TBXAS1: variants seen among roughly 807,000 people sequenced by gnomAD.
TBXAS1 encodes the protein thromboxane A synthase 1.
Under a neutral mutation model 60.7 loss-of-function variants are expected in TBXAS1, and 48 were observed. The ratio of observed to expected loss-of-function variants is 0.79; its 90% confidence interval spans 0.63 to 1.01. TBXAS1 has a LOEUF of 1.01. TBXAS1 is among the 50% of genes least tolerant of loss of function. The probability of loss-of-function intolerance (pLI) is 0.00; values close to 1 mark genes in which losing one functional copy is unlikely to be tolerated. For missense variants in TBXAS1, 685 were observed against 686.3 expected (o/e 1.00, Z 0.02); for synonymous variants, 287 against 269.7 (o/e 1.06, Z -0.63).
chr7:139,930,424 G>A (rs891902500), intron 4 of TBXAS1, among the ~76,000 whole-genome samples: 2 of 152,086 alleles, frequency 1.3e-5, no homozygotes, highest in South Asian at 2.1e-4. Flanking sequence ...CTAAGAGGTC[G>A]GTAGCGTTAT....
At chr7:140,016,259 C>T (rs997416216) in intron 11 of TBXAS1, 22 of 327,788 alleles carry the variant, frequency 6.7e-5, no homozygotes, top group African/African-American at 1.7e-4. Flanking sequence ...ACCCAGGAGG[C>T]GGAGCTTGCA....
chr7:139,811,117 A>G (rs1342375962), intron 4 of TBXAS1, among the ~76,000 whole-genome samples: 1 of 152,260 alleles, frequency 6.6e-6, no homozygotes, highest in Admixed American at 6.5e-5. Flanking sequence ...CATTTGAAAT[A>G]GCTTATTTTT....
upstream of TBXAS1, among the ~76,000 whole-genome samples, chr7:139,828,516 G>A (rs1483591758): frequency 6.6e-6 from 1 of 152,238 alleles, no homozygotes; most frequent in East Asian, 1.9e-4. Context: ...GTCCTTTTGG[G>A]ATTGCTGGTT....
rs148889619 is a variant in TBXAS1 at position 139,863,787 on chromosome 7, A to G, written c.90-8448A>G. ...TCAAAATATGAGCATAAATCAATGA[A>G]CTAGAAAACAACAAAAATCAGAAAT... On this transcript the variant is annotated intron_variant, in intron 1 of 12. Transcript: ENST00000448866. Among the ~76,000 whole-genome samples, 1,359 of 152,328 alleles carry G rather than the reference A, an allele frequency of 8.9e-3. 15 individuals carry two copies. Among genetic ancestry groups the G allele is most frequent in the Non-Finnish European group, 0.015 (1,028 of 68,008 alleles).
intron 2 of TBXAS1, among the ~76,000 whole-genome samples, chr7:139,782,221 C>A (rs1377507335): frequency 2.0e-5 from 3 of 147,638 alleles, no homozygotes; most frequent in South Asian, 2.1e-4. Flanking sequence ...TTTTTTTTAA[C>A]AGTACATGGA....
At chr7:139,889,089 T>C (rs537192538) in intron 3 of TBXAS1, among the ~76,000 whole-genome samples, 2 of 152,094 alleles carry the variant, frequency 1.3e-5, no homozygotes, top group South Asian at 4.2e-4. Flanking sequence ...TTCTAGCACA[T>C]TGGGAGGCCG....
Position 139,951,945 on chromosome 7 carries a change from GAAAGA to G in TBXAS1, c.451-1415_451-1411del, listed in dbSNP as rs1373725162. On this transcript the variant is annotated intron_variant, in intron 5 of 12. Transcript: ENST00000448866. ...AGAAAGAAAGAGAGAAAGAAGGAAA[GAAAGA>G]AAAGAAAGAAAGAAAGAAAGAAAGA... Among the ~76,000 whole-genome samples, 8 of 17,786 alleles carry G rather than the reference GAAAGA, an allele frequency of 4.5e-4. 1 individual carries two copies. The highest frequency in any genetic ancestry group is 8.5e-4 in the Non-Finnish European group (7 of 8,262). The allele number at this position is 17,786 out of a possible 152,430, so 11.7% of individuals were successfully genotyped here.
In TBXAS1 at chr7:139,906,175, C is replaced by A. The variant is rs1035471877; in HGVS notation, c.237-5050C>A. ...GGTTCAAGCAATTCTCCTGCCTCAG[C>A]CTCCTGAGTAGCTGGCACTACAGGT... On this transcript the variant is annotated intron_variant, in intron 3 of 12. Coordinates refer to ENST00000448866, the MANE Select transcript of TBXAS1 (RefSeq NM_001061.7). 6 of 299,114 alleles carry A rather than the reference C, an allele frequency of 2.0e-5. No homozygotes were observed. In the Admixed American group the frequency reaches 2.9e-4, roughly 14 times the overall value. The allele number at this position is 299,114 out of a possible 1,614,324, so 18.5% of individuals were successfully genotyped here.
chr7:140,016,981 G>A (rs549809682), intron 11 of TBXAS1, among the ~76,000 whole-genome samples: 1 of 152,394 alleles, frequency 6.6e-6, no homozygotes, highest in African/African-American at 2.4e-5. Context: ...TGAGCTCGCT[G>A]TTACAGAACA....
intron 10 of TBXAS1, among the ~76,000 whole-genome samples, chr7:140,010,901 C>G (rs529580272): frequency 1.3e-5 from 2 of 152,080 alleles, no homozygotes; most frequent in Non-Finnish European, 2.9e-5. Flanking sequence ...GAAGTAAAAT[C>G]CAGCATAGAA....
At chr7:139,878,873 AATGCCACACTCTACACTGTTG>A (rs1310674204) in intron 3 of TBXAS1, among the ~76,000 whole-genome samples, 12 of 152,218 alleles carry the variant, frequency 7.9e-5, no homozygotes, top group African/African-American at 2.7e-4. Context: ...TGACAAGTGA[AATGCCACACTCTACACTGTTG>A]ATGCCGTGTA....
At chr7:139,924,621 C>T (rs2117123088) in intron 4 of TBXAS1, among the ~76,000 whole-genome samples, 1 of 152,144 alleles carries the variant, frequency 6.6e-6, no homozygotes, top group African/African-American at 2.4e-5. Context: ...CTTCACTTTG[C>T]TGATTGTTTC....
intron 1 of TBXAS1, among the ~76,000 whole-genome samples, chr7:139,869,245 C>T (rs1171259902): frequency 3.9e-5 from 6 of 152,166 alleles, no homozygotes; most frequent in African/African-American, 1.2e-4. Context: ...CTTTGACATA[C>T]CTTGGCTTGC....
At chr7:139,948,124 C>G (rs1184338736) in intron 5 of TBXAS1, among the ~76,000 whole-genome samples, 1 of 152,182 alleles carries the variant, frequency 6.6e-6, no homozygotes, top group Non-Finnish European at 1.5e-5. Context: ...CTTGGCCTCC[C>G]AAAGTGCTGA....
chr7:139,996,513 C>A (rs569165860), intron 9 of TBXAS1, among the ~76,000 whole-genome samples: 1 of 152,186 alleles, frequency 6.6e-6, no homozygotes, highest in Non-Finnish European at 1.5e-5. Context: ...GTGGAGGGGG[C>A]CTCCAGCAAA....
intron 3 of TBXAS1, among the ~76,000 whole-genome samples, chr7:139,904,999 CTTT>C (rs759674033): frequency 0.02 from 1,908 of 97,202 alleles, 76 homozygotes; most frequent in Admixed American, 0.13. Flanking sequence ...CTCTTTCTCT[CTTT>C]CTCTCTTTCT....
chr7:139,890,376 C>T (rs1011445885), intron 3 of TBXAS1, among the ~76,000 whole-genome samples: 15 of 151,978 alleles, frequency 9.9e-5, no homozygotes, highest in Non-Finnish European at 2.1e-4. Flanking sequence ...CCACTGCGCC[C>T]GGCTAATTTT....
At chr7:139,832,294 G>C (rs529545840) in intron 1 of TBXAS1, among the ~76,000 whole-genome samples, 3 of 152,092 alleles carry the variant, frequency 2.0e-5, no homozygotes, top group East Asian at 3.9e-4. Flanking sequence ...GGAAACTTTG[G>C]ACACACTTTT....
Position 139,852,937 on chromosome 7 carries a change from C to A in TBXAS1, c.90-19298C>A, listed in dbSNP as rs1056193059. Reference sequence around the variant, plus strand: ...TGTACCAACCTTGGCTACTCCAATACACACACACACACACACACACACACA... The same window carrying A: ...TGTACCAACCTTGGCTACTCCAATAAACACACACACACACACACACACACA... On this transcript the variant is annotated intron_variant, in intron 1 of 12. Coordinates refer to ENST00000448866, the MANE Select transcript of TBXAS1 (RefSeq NM_001061.7). The surrounding 1 kb of genome is among the most constrained non-coding windows in gnomAD (Gnocchi z 4.4). Among the ~76,000 whole-genome samples the A allele has an allele frequency of 5.3e-4, 5 of 9,506 alleles. No homozygotes were observed. In the African/African-American group the frequency reaches 0.012, roughly 23 times the overall value. The allele number at this position is 9,506 out of a possible 152,430, so 6.2% of individuals were successfully genotyped here.
Sources: gnomAD v4.1 joint callset for allele counts (sites outside exome capture counted in the v4.1 genomes callset) on GRCh38, gnomAD v4.1.1 for gene constraint, Gnocchi (gnomAD v3.1) non-coding constraint, MANE v1.5 for transcripts, NCBI Gene and HGNC (gene_info 2026-07-23, HGNC 2026-07-21) for gene names.